Variants in RAP1GAP2 observed in about 807,000 individuals in gnomAD.
RAP1GAP2 encodes the protein RAP1 GTPase activating protein 2.
Under a neutral mutation model 95.0 loss-of-function variants are expected in RAP1GAP2, and 27 were observed. The observed-to-expected ratio is 0.28, with a 90% CI of 0.21 to 0.39. The LOEUF (loss-of-function observed/expected upper bound fraction) is 0.39. Among genes scored for constraint, RAP1GAP2 ranks in the 10% least tolerant of loss-of-function variants. RAP1GAP2 has a pLI of 1.00. For synonymous variants in RAP1GAP2, 373 were observed against 380.9 expected (o/e 0.98, Z 0.24); for missense variants, 771 against 970.0 (o/e 0.79, Z 2.72).
rs1203299216 is a variant in RAP1GAP2, at chr17:2,902,992, C to T, written c.81-2292C>T. On this transcript the variant is annotated intron_variant, in intron 2 of 24. Coordinates refer to ENST00000254695, the MANE Select transcript of RAP1GAP2 (RefSeq NM_015085.5). This position sits in a 1 kb window ranked among gnomAD's most constrained non-coding sequence, Gnocchi z 4.1. The stretch of plus-strand genomic sequence containing the variant: ...CGTCCAGTGACCGGTGATGTTAAAA[C>T]CAGCTCTGTCCTCCTCTGGACTGTG... Among the ~76,000 whole-genome samples the T allele has an allele frequency of 6.6e-6, 1 of 152,196 alleles. No homozygotes were observed.
intron 2 of RAP1GAP2, among the ~76,000 whole-genome samples, chr17:2,816,512 A>G (rs905758968): frequency 6.6e-6 from 1 of 151,352 alleles, no homozygotes; most frequent in Admixed American, 6.6e-5. Flanking sequence ...TAATTTTTAT[A>G]TTTTTTAGTA....
At chr17:2,853,944 G>A in intron 2 of RAP1GAP2, 3 of 982,622 alleles carry the variant, frequency 3.1e-6, no homozygotes, top group Non-Finnish European at 3.6e-6. Context: ...GCGCGGAGCC[G>A]GGGCTGCGGG....
At chr17:2,928,820 G>C (rs1342339631) in intron 3 of RAP1GAP2, among the ~76,000 whole-genome samples, 1 of 152,054 alleles carries the variant, frequency 6.6e-6, no homozygotes, top group Non-Finnish European at 1.5e-5. Flanking sequence ...TGGGGAGTCG[G>C]AGGGGTGGGG....
At chr17:2,921,722 C>T (rs879873966) in intron 3 of RAP1GAP2, among the ~76,000 whole-genome samples, 11 of 151,944 alleles carry the variant, frequency 7.2e-5, no homozygotes, top group Non-Finnish European at 1.6e-4. Context: ...TCCACAGGGC[C>T]GTTAAGGTGT....
intron 10 of RAP1GAP2, among the ~76,000 whole-genome samples, chr17:2,982,470 T>C (rs529287552): frequency 3.3e-4 from 50 of 152,292 alleles, no homozygotes; most frequent in African/African-American, 1.1e-3. Context: ...GGATTGGGCA[T>C]GCCACTCTCA....
At chr17:2,889,071 G>A (rs1270066821) in intron 2 of RAP1GAP2, among the ~76,000 whole-genome samples, 1 of 152,170 alleles carries the variant, frequency 6.6e-6, no homozygotes, top group African/African-American at 2.4e-5. Context: ...TCAACAGGCT[G>A]ACTGCCTTTC....
intron 2 of RAP1GAP2, among the ~76,000 whole-genome samples, chr17:2,839,132 GTC>G (rs1317177448): frequency 1.3e-5 from 2 of 151,888 alleles, no homozygotes; most frequent in African/African-American, 4.8e-5. Context: ...GTGAAACCCT[GTC>G]TCTACTAAAA....
intron 2 of RAP1GAP2, among the ~76,000 whole-genome samples, chr17:2,843,353 T>C (rs1413168127): frequency 6.6e-6 from 1 of 151,676 alleles, no homozygotes; most frequent in Non-Finnish European, 1.5e-5. Flanking sequence ...TGGCGCGATC[T>C]CGGCTCACGG....
chr17:2,939,440 G>A (rs1049530252), intron 3 of RAP1GAP2, among the ~76,000 whole-genome samples: 11 of 152,328 alleles, frequency 7.2e-5, no homozygotes, highest in Admixed American at 2.6e-4. Flanking sequence ...TGTGAGGTGC[G>A]TGGGAATGCC....
intron 3 of RAP1GAP2, among the ~76,000 whole-genome samples, chr17:2,927,325 T>G (rs564014578): frequency 1.3e-5 from 2 of 151,548 alleles, no homozygotes; most frequent in Non-Finnish European, 2.9e-5. Context: ...GGCTAATTTT[T>G]TGTATTTTTA....
intron 2 of RAP1GAP2, among the ~76,000 whole-genome samples, chr17:2,808,734 G>A (rs987724940): frequency 6.6e-6 from 1 of 152,198 alleles, no homozygotes; most frequent in Non-Finnish European, 1.5e-5. Flanking sequence ...GTCTTGAGTG[G>A]CAGACTCTGG....
chr17:3,032,703 G>A (rs1283108753), intron 24 of RAP1GAP2, among the ~76,000 whole-genome samples: 1 of 152,072 alleles, frequency 6.6e-6, no homozygotes, highest in Non-Finnish European at 1.5e-5. Flanking sequence ...CACCGATGGG[G>A]TCTGGTTCCC....
At chr17:2,882,072 A>C (rs1383034172) in intron 2 of RAP1GAP2, among the ~76,000 whole-genome samples, 2 of 146,716 alleles carry the variant, frequency 1.4e-5, no homozygotes, top group African/African-American at 2.5e-5. Flanking sequence ...CACTTGCCTC[A>C]GTTTCTCAAA....
At chr17:2,952,514 G>A (rs1003570604) in intron 3 of RAP1GAP2, among the ~76,000 whole-genome samples, 1 of 152,112 alleles carries the variant, frequency 6.6e-6, no homozygotes, top group Non-Finnish European at 1.5e-5. Context: ...TATTTTAAAC[G>A]GTTTGGATAC....
intron 3 of RAP1GAP2, among the ~76,000 whole-genome samples, chr17:2,936,360 G>A (rs2043311202): frequency 6.7e-6 from 1 of 148,346 alleles, no homozygotes; most frequent in Admixed American, 6.9e-5. Context: ...GGATGTCAGA[G>A]TGTGGTCACA....
At position 2,980,228 on chromosome 17, in the gene RAP1GAP2, T is replaced by TC. The variant is rs1036355024; in HGVS notation, c.597-55dup. On this transcript the variant is annotated intron_variant, in intron 8 of 24. Transcript: ENST00000254695. ...AAAATGCTGAGATGACAGGCACGAGTCCCCGCGCCCTCACTGACTGTTTCT... is the reference window on the plus strand; with the variant it reads ...AAAATGCTGAGATGACAGGCACGAGTCCCCCGCGCCCTCACTGACTGTTTCT... 32 of 1,545,814 alleles carry TC rather than the reference T, an allele frequency of 2.1e-5. No homozygotes were observed. In the African/African-American group the frequency reaches 3.9e-4, roughly 19 times the overall value.
chr17:2,874,896 C>A (rs904950567), intron 2 of RAP1GAP2, among the ~76,000 whole-genome samples: 1 of 152,174 alleles, frequency 6.6e-6, no homozygotes, highest in African/African-American at 2.4e-5. Flanking sequence ...CTCATACTCG[C>A]TTCTCAAAAG....
chr17:3,033,226 C>G lies in RAP1GAP2; in HGVS notation c.*31-166C>G, dbSNP rs888826173. 1 of 152,560 alleles carries G rather than the reference C, an allele frequency of 6.6e-6. No individual in the cohort carries two copies. The highest frequency in any genetic ancestry group is 1.5e-5 in the Non-Finnish European group (1 of 68,174). The allele number at this position is 152,560 out of a possible 1,614,324, so 9.5% of individuals were successfully genotyped here. On this transcript the variant is annotated intron_variant, in intron 24 of 24. Transcript: ENST00000254695. The surrounding 1 kb of genome is among the most constrained non-coding windows in gnomAD (Gnocchi z 4.9). ...GCTATGCGCAGCTTCTCGGGCCACG[C>G]AAGGTGGGGCACCCTTACATCAGGT...
At chr17:2,813,971 G>A (rs2069888792) in intron 2 of RAP1GAP2, among the ~76,000 whole-genome samples, 1 of 149,856 alleles carries the variant, frequency 6.7e-6, no homozygotes, top group African/African-American at 2.4e-5. Flanking sequence ...TCAAAAAAAA[G>A]AAAAAAGAAA....
Sources: allele counts gnomAD v4.1 joint callset (sites outside exome capture counted in the v4.1 genomes callset), GRCh38; gene constraint gnomAD v4.1.1; non-coding constraint Gnocchi (gnomAD v3.1); transcripts MANE v1.5; gene names NCBI Gene and HGNC (gene_info 2026-07-23, HGNC 2026-07-21).